Variants in EXOC6 observed in about 807,000 individuals in gnomAD.
The protein encoded by EXOC6 is SEC15-like 1.
Under a neutral mutation model 112.5 loss-of-function variants are expected in EXOC6, and 60 were observed. The ratio of observed to expected loss-of-function variants is 0.53; its 90% CI spans 0.43 to 0.66. EXOC6 has a LOEUF of 0.66. EXOC6 is among the 30% of genes least tolerant of loss of function. The pLI is 0.00. For missense variants in EXOC6, 855 were observed against 957.1 expected, an observed-to-expected ratio of 0.89 and a Z score of 1.41; for synonymous variants, 295 against 308.0, an observed-to-expected ratio of 0.96 and a Z score of 0.44.
At chr10:92,988,799 A>C (rs1256215082) in intron 18 of EXOC6, among the ~76,000 whole-genome samples, 1 of 113,994 alleles carries the variant, frequency 8.8e-6, no homozygotes, top group African/African-American at 3.9e-5. Context: ...TCTACAAAAA[A>C]TACACACACA....
At chr10:92,950,491 G>C (rs1853340884) in intron 14 of EXOC6, among the ~76,000 whole-genome samples, 1 of 152,108 alleles carries the variant, frequency 6.6e-6, no homozygotes, top group South Asian at 2.1e-4. Flanking sequence ...ACAGTGCTAT[G>C]TGCTAGATTT....
At chr10:92,993,725 T>C (rs1205689856) in intron 18 of EXOC6, among the ~76,000 whole-genome samples, 1 of 152,204 alleles carries the variant, frequency 6.6e-6, no homozygotes, top group East Asian at 1.9e-4. Flanking sequence ...TGATAGTAAA[T>C]TATTTTGGAA....
At chr10:92,987,928 A>G (rs1349707523) in intron 18 of EXOC6, among the ~76,000 whole-genome samples, 1 of 152,164 alleles carries the variant, frequency 6.6e-6, no homozygotes, top group African/African-American at 2.4e-5. Context: ...TCATCTGTAA[A>G]ATGAGGTATG....
chr10:93,043,139 C>T (rs947950891), intron 20 of EXOC6, among the ~76,000 whole-genome samples: 1 of 151,814 alleles, frequency 6.6e-6, no homozygotes, highest in East Asian at 1.9e-4. Flanking sequence ...GTTTCACCAT[C>T]TTGGCCAGGC....
At chr10:93,053,484 T>A (rs1846400947) in intron 20 of EXOC6, among the ~76,000 whole-genome samples, 1 of 152,252 alleles carries the variant, frequency 6.6e-6, no homozygotes, top group Non-Finnish European at 1.5e-5. Flanking sequence ...ATCATTTGAC[T>A]TACTTAACGT....
chr10:93,015,604 A>T (rs10786065), intron 20 of EXOC6, among the ~76,000 whole-genome samples: 43,839 of 152,128 alleles, frequency 0.29, 7,272 homozygotes, highest in East Asian at 0.77. Context: ...GTGGTGGCAC[A>T]TGCCTGTAGT....
intron 17 of EXOC6, among the ~76,000 whole-genome samples, chr10:92,964,505 T>G (rs1457570287): frequency 6.6e-6 from 1 of 152,200 alleles, no homozygotes; most frequent in Non-Finnish European, 1.5e-5. Context: ...TTTATGGTGA[T>G]AGCTCTAACT....
intron 1 of EXOC6, 128 bp from the exon 2 acceptor site, chr10:92,893,221 C>T: frequency 1.6e-6 from 1 of 612,014 alleles, no homozygotes. Context: ...CAAATTATTT[C>T]TGCTAAAGGT....
rs141101430 is a variant in EXOC6 at position 92,948,758 on chromosome 10, A to G, written c.1416+379A>G. Among the ~76,000 whole-genome samples the G allele has an allele frequency of 7.0e-3, 1,070 of 152,254 alleles. 5 individuals carry two copies. Among genetic ancestry groups the G allele is most frequent in the Middle Eastern group, 0.037 (11 of 294 alleles). ...TGAAAAGTAGATTTATAGTAATAAG[A>G]GTATATCCTAGTGAAAGAGACAAGA... is the stretch of plus-strand genomic sequence containing the variant. On this transcript the variant is annotated intron_variant, in intron 14 of 21. Coordinates refer to ENST00000260762, the MANE Select transcript of EXOC6 (RefSeq NM_019053.6).
rs773118392 is a variant in EXOC6 at position 92,899,650 on chromosome 10, T to C, written c.458+6T>C. 2.5e-6 allele frequency: 4 copies of C among 1,604,698 alleles called. No homozygotes were observed. Among genetic ancestry groups the C allele is most frequent in the South Asian group, 1.1e-5 (1 of 89,704 alleles). On this transcript the variant is annotated splice_donor_region_variant and intron_variant, in intron 5 of 21. Coordinates refer to ENST00000260762, the MANE Select transcript of EXOC6 (RefSeq NM_019053.6). ...GAACAGATGAGTGCCAAAAGGTGAG[T>C]TGGTTTTTTTCCTATTGTTTTAAAT... is the stretch of plus-strand genomic sequence containing the variant.
Position 92,935,844 on chromosome 10 carries a change from G to A in EXOC6, c.1171G>A (p.Glu391Lys). The change falls in exon 12 of 22, where the codon GAG (glutamate) becomes AAG (lysine). Residue 391 changes from glutamate (E) to lysine (K), a missense_variant. Glu to Lys is a moderately conservative substitution (Grantham distance 56, BLOSUM62 1). This residue lies in a region of EXOC6 where 450 missense variants were observed against 563.5 expected (regional missense o/e 0.80). Coordinates refer to ENST00000260762, the MANE Select transcript of EXOC6 (RefSeq NM_019053.6). ...TTGCACTGATCCTGATCTTGTTCTGGAGCTGAAGAATCTTACTGTAATATT... is the reference window on the plus strand; with the variant it reads ...TTGCACTGATCCTGATCTTGTTCTGAAGCTGAAGAATCTTACTGTAATATT... ...SYCTDPDLVL[E>K]LKNLTVIFAD... 1 of 1,609,398 alleles carries A rather than the reference G, an allele frequency of 6.2e-7. No individual in the cohort carries two copies. The highest frequency in any genetic ancestry group is 8.5e-7 in the Non-Finnish European group (1 of 1,177,370).
At chr10:92,997,820 G>A (rs1291744925) in intron 19 of EXOC6, among the ~76,000 whole-genome samples, 1 of 152,132 alleles carries the variant, frequency 6.6e-6, no homozygotes, top group Non-Finnish European at 1.5e-5. Flanking sequence ...CTAGAGAGAG[G>A]CACTGAAGTG....
intron 19 of EXOC6, among the ~76,000 whole-genome samples, chr10:93,000,083 T>C (rs1482779994): frequency 6.6e-6 from 1 of 152,214 alleles, no homozygotes; most frequent in Admixed American, 6.6e-5. Context: ...ATAACGTTCA[T>C]TACTATCTGC....
chr10:92,923,793 A>G (rs958863500), intron 8 of EXOC6, among the ~76,000 whole-genome samples: 3 of 152,192 alleles, frequency 2.0e-5, no homozygotes, highest in Non-Finnish European at 4.4e-5. Flanking sequence ...TATGAATACC[A>G]TGAGGTGGGG....
At chr10:92,963,569 C>G (rs920384944) in intron 17 of EXOC6, among the ~76,000 whole-genome samples, 1 of 149,006 alleles carries the variant, frequency 6.7e-6, no homozygotes, top group African/African-American at 2.5e-5. Flanking sequence ...CTCACTGCAG[C>G]CTTGAACTCC....
intron 4 of EXOC6, among the ~76,000 whole-genome samples, chr10:92,895,441 T>C (rs1849695820): frequency 6.6e-6 from 1 of 152,170 alleles, no homozygotes; most frequent in African/African-American, 2.4e-5. Context: ...GTTTTTGCTT[T>C]GCTCACAATC....
intron 20 of EXOC6, among the ~76,000 whole-genome samples, chr10:93,033,185 G>A (rs1845348462): frequency 2.6e-5 from 4 of 152,100 alleles, no homozygotes; most frequent in Admixed American, 2.6e-4. Context: ...GTTTATTCTG[G>A]CTGTTTTAAG....
chr10:92,887,065 T>G (rs899622286), intron 1 of EXOC6, among the ~76,000 whole-genome samples: 14 of 152,212 alleles, frequency 9.2e-5, no homozygotes, highest in African/African-American at 3.4e-4. Context: ...ACATCTTCTC[T>G]TCATTTTCTT....
intron 17 of EXOC6, among the ~76,000 whole-genome samples, chr10:92,961,401 A>G (rs896840511): frequency 2.6e-5 from 4 of 152,184 alleles, no homozygotes; most frequent in African/African-American, 9.6e-5. Context: ...GGACTGTATA[A>G]AGCAGTTTTA....
Sources: gnomAD v4.1 joint callset for allele counts (sites outside exome capture counted in the v4.1 genomes callset) on GRCh38, gnomAD v4.1.1 for gene constraint, gnomAD v4.1.1 regional missense constraint, MANE v1.5 for transcripts, NCBI Gene and HGNC (gene_info 2026-07-23, HGNC 2026-07-21) for gene names.